Variants in CNKSR2 observed in about 807,000 individuals in gnomAD.
CNKSR2 encodes connector enhancer of kinase suppressor of Ras 2.
Under a neutral mutation model 84.4 loss-of-function variants are expected in CNKSR2, and 14 were observed. The ratio of observed to expected loss-of-function variants is 0.17; its 90% CI spans 0.11 to 0.26. The LOEUF (loss-of-function observed/expected upper bound fraction) is 0.26. Among genes scored for constraint, CNKSR2 ranks in the 10% least tolerant of loss-of-function variants. The pLI is 1.00. For missense variants in CNKSR2, 485 were observed against 771.2 expected, an observed-to-expected ratio of 0.63 and a Z score of 4.40; for synonymous variants, 275 against 277.9, an observed-to-expected ratio of 0.99 and a Z score of 0.10.
intron 11 of CNKSR2, among the ~76,000 whole-genome samples, chrX:21,552,587 C>T (rs1456717433): frequency 8.9e-6 from 1 of 111,953 alleles, no homozygotes; most frequent in Admixed American, 9.5e-5. Context: ...ATAGAACAAC[C>T]TCTGTTCTCA....
At chrX:21,571,131 A>G (rs1476789626) in intron 13 of CNKSR2, among the ~76,000 whole-genome samples, 1 of 112,566 alleles carries the variant, frequency 8.9e-6, no homozygotes, top group Admixed American at 9.4e-5. Flanking sequence ...AGGCTGTTTC[A>G]TCTATATTGC....
intron 17 of CNKSR2, among the ~76,000 whole-genome samples, chrX:21,596,059 A>G (rs1297504817): frequency 1.8e-5 from 2 of 111,576 alleles, no homozygotes; most frequent in Non-Finnish European, 1.9e-5. Flanking sequence ...CCTCCTTTCT[A>G]TAACTTACTA....
intron 13 of CNKSR2, among the ~76,000 whole-genome samples, chrX:21,580,266 T>A (rs1381276279): frequency 3.6e-5 from 4 of 111,838 alleles, no homozygotes; most frequent in Non-Finnish European, 7.5e-5. Flanking sequence ...ACAGTACTCT[T>A]TGAAAAATAT....
At chrX:21,513,422 A>G (rs2091695705) in intron 8 of CNKSR2, among the ~76,000 whole-genome samples, 1 of 112,303 alleles carries the variant, frequency 8.9e-6, no homozygotes, top group Admixed American at 9.4e-5. Flanking sequence ...TAGAGTTGGA[A>G]TGTATTGTGA....
chrX:21,392,696 G>A (rs2090067872), intron 1 of CNKSR2, among the ~76,000 whole-genome samples: 2 of 111,276 alleles, frequency 1.8e-5, no homozygotes, highest in Admixed American at 1.9e-4. Flanking sequence ...AAGCAGTTTT[G>A]CTGAAATCGA....
Position 21,620,488 on chromosome X carries a change from T to C in CNKSR2, c.2692+10871T>C, listed in dbSNP as rs966720737. 3.6e-5 allele frequency among the ~76,000 whole-genome samples: 4 copies of C among 110,994 alleles called. No individual in the cohort carries two copies. In the Middle Eastern group the frequency reaches 0.014, roughly 384 times the overall value. On this transcript the variant is annotated intron_variant, in intron 20 of 21. Transcript: ENST00000379510. ...AGAACTTAGAGTTTTGAGGCACTTA[T>C]CTTCACTTTCTACCCAAAAGAGAAA... is the stretch of plus-strand genomic sequence containing the variant.
At chrX:21,578,139 A>G (rs999191503) in intron 13 of CNKSR2, among the ~76,000 whole-genome samples, 3 of 111,592 alleles carry the variant, frequency 2.7e-5, no homozygotes, top group African/African-American at 9.7e-5. Flanking sequence ...TACCAGGGTA[A>G]TTTAGGAACA....
chrX:21,499,626 C>A (rs1370292464), intron 7 of CNKSR2, among the ~76,000 whole-genome samples: 1 of 110,731 alleles, frequency 9.0e-6, no homozygotes, highest in Non-Finnish European at 1.9e-5. Flanking sequence ...AATAGTTCAT[C>A]TTTTGATTCT....
intron 20 of CNKSR2, among the ~76,000 whole-genome samples, chrX:21,633,704 A>G (rs2092658051): frequency 8.9e-6 from 1 of 112,408 alleles, no homozygotes; most frequent in South Asian, 3.7e-4. Flanking sequence ...CAATGGCTAT[A>G]AAGTCATTTG....
chrX:21,486,623 C>T (rs2091387682), intron 5 of CNKSR2, among the ~76,000 whole-genome samples: 1 of 111,765 alleles, frequency 8.9e-6, no homozygotes, highest in East Asian at 2.8e-4. Context: ...AAGTATTTAG[C>T]ATTGTGCCAG....
chrX:21,407,893 A>G (rs1484659532), intron 1 of CNKSR2, among the ~76,000 whole-genome samples: 2 of 111,182 alleles, frequency 1.8e-5, no homozygotes, highest in African/African-American at 6.5e-5. Context: ...GTAATTGTAG[A>G]TTTTCTTATG....
At chrX:21,601,501 T>A (rs2092482188) in intron 18 of CNKSR2, 152 bp downstream of exon 18, 1 of 398,040 alleles carries the variant, frequency 2.5e-6, no homozygotes, top group African/African-American at 2.6e-5. Context: ...ACAACTTATA[T>A]AGATAGGGAC....
intron 20 of CNKSR2, among the ~76,000 whole-genome samples, chrX:21,624,721 C>T (rs2092615752): frequency 8.9e-6 from 1 of 111,881 alleles, no homozygotes; most frequent in African/African-American, 3.3e-5. Flanking sequence ...GTTAGGATTA[C>T]AGGCATGAGC....
chrX:21,648,942 A>G lies in CNKSR2; in HGVS notation c.2804A>G (p.Tyr935Cys). ...CATCGTATTTCAACCAAGATGGAAT[A>G]CAAGCTATCATTTATAAAAAGATGT... Reference protein sequence around the residue: ...GEHRISTKMEYKLSFIKRCND... With the variant: ...GEHRISTKMECKLSFIKRCND... Residue 935 changes from tyrosine (Y) to cysteine (C), a missense_variant, in exon 21 of 22, where the codon TAC (tyrosine) becomes TGC (cysteine). By Grantham distance (194) the Tyr-to-Cys change is radical (BLOSUM62 -2). Around this residue, in one of 5 missense-constraint regions of CNKSR2, gnomAD observed 210 missense variants for 291.5 expected, o/e 0.72. Transcript: ENST00000379510. 1 of 1,202,044 alleles carries G rather than the reference A, an allele frequency of 8.3e-7. No homozygotes were observed. The highest frequency in any genetic ancestry group is 1.8e-5 in the South Asian group (1 of 56,655).
At chrX:21,594,045 C>T (rs1415581232) in intron 15 of CNKSR2, 2 of 111,434 alleles carry the variant, frequency 1.8e-5, no homozygotes, top group African/African-American at 6.5e-5. Flanking sequence ...CAGCACTATT[C>T]GTGATAGCAA....
At chrX:21,422,892 C>T (rs2090517242) in intron 1 of CNKSR2, among the ~76,000 whole-genome samples, 2 of 110,621 alleles carry the variant, frequency 1.8e-5, no homozygotes, top group East Asian at 5.7e-4. Context: ...TGGGCTTCTC[C>T]GAGAAACTGG....
intron 20 of CNKSR2, chrX:21,641,546 G>A (rs761171197): frequency 1.8e-5 from 21 of 1,176,763 alleles, no homozygotes; most frequent in East Asian, 3.1e-5. Context: ...AATACACTGC[G>A]AGAGTTGGTA....
In CNKSR2 at chrX:21,439,793, G is replaced by A. The variant is rs1281719836; in HGVS notation, c.432-901G>A. Reference sequence around the variant, plus strand: ...ATATTACCTAGAAACGCCTCAGGGTGTGGAAAAAATCTGCAGGCTCAAATG... The same window carrying A: ...ATATTACCTAGAAACGCCTCAGGGTATGGAAAAAATCTGCAGGCTCAAATG... On this transcript the variant is annotated intron_variant, in intron 3 of 21. Transcript: ENST00000379510. Among the ~76,000 whole-genome samples, 4 of 110,687 alleles carry A rather than the reference G, an allele frequency of 3.6e-5. No homozygotes were observed. The East Asian group carries it at 8.5e-4, about 23-fold the overall frequency.
chrX:21,392,073 A>C (rs970193134), intron 1 of CNKSR2, among the ~76,000 whole-genome samples: 2 of 111,519 alleles, frequency 1.8e-5, no homozygotes, highest in African/African-American at 6.5e-5. Flanking sequence ...TAATTTCCTC[A>C]TTTCCATATG....
Sources: gnomAD v4.1 joint callset for allele counts (sites outside exome capture counted in the v4.1 genomes callset) on GRCh38, gnomAD v4.1.1 for gene constraint, gnomAD v4.1.1 regional missense constraint, MANE v1.5 for transcripts, NCBI Gene and HGNC (gene_info 2026-07-23, HGNC 2026-07-21) for gene names.